CAPS2: variants seen among roughly 807,000 people sequenced by gnomAD.
CAPS2 encodes the protein calcyphosine 2, also known as calcyphosin-2.
CAPS2 carries 98 observed loss-of-function variants against 86.5 expected under a neutral mutation model. The ratio of observed to expected loss-of-function variants is 1.13; its 90% CI spans 0.96 to 1.34. The LOEUF (loss-of-function observed/expected upper bound fraction) is 1.34, where lower values mean the gene tolerates loss of function less well. CAPS2 is among the 40% of genes most tolerant of loss of function. CAPS2 has a pLI of 0.00. For synonymous variants in CAPS2, 210 were observed against 225.1 expected (o/e 0.93, Z 0.60); for missense variants, 729 against 686.8 (o/e 1.06, Z -0.69).
At chr12:75,368,963 G>A (rs1566017033) in intron 1 of CAPS2, among the ~76,000 whole-genome samples, 1 of 151,842 alleles carries the variant, frequency 6.6e-6, no homozygotes, top group African/African-American at 2.4e-5. Flanking sequence ...TGTACTTCAT[G>A]TGTAGTTATG....
At chr12:75,369,103 A>AT (rs2044186972) in intron 1 of CAPS2, among the ~76,000 whole-genome samples, 1 of 151,956 alleles carries the variant, frequency 6.6e-6, no homozygotes, top group African/African-American at 2.4e-5. Context: ...TAACAGTTAT[A>AT]TATGTAGACC....
intron 8 of CAPS2, among the ~76,000 whole-genome samples, chr12:75,301,693 T>C (rs1489176815): frequency 1.3e-5 from 2 of 152,196 alleles, no homozygotes; most frequent in African/African-American, 4.8e-5. Context: ...AAAACTTTGC[T>C]CTTAACCATT....
chr12:75,356,060 T>C (rs2043138409), intron 1 of CAPS2, among the ~76,000 whole-genome samples: 1 of 152,104 alleles, frequency 6.6e-6, no homozygotes, highest in South Asian at 2.1e-4. Context: ...AGTTGATCTG[T>C]GCAGCAAACC....
intron 15 of CAPS2, among the ~76,000 whole-genome samples, chr12:75,284,068 C>A (rs2034457291): frequency 6.6e-6 from 1 of 152,174 alleles, no homozygotes; most frequent in African/African-American, 2.4e-5. Context: ...TATAACACTT[C>A]TCTTGCCCTC....
At chr12:75,304,107 T>C (rs2138636641) in intron 8 of CAPS2, among the ~76,000 whole-genome samples, 1 of 152,262 alleles carries the variant, frequency 6.6e-6, no homozygotes, top group Middle Eastern at 3.4e-3. Context: ...ACAGCAGCAA[T>C]AGGAAACTAA....
intron 13 of CAPS2, among the ~76,000 whole-genome samples, chr12:75,290,940 A>C (rs911952320): frequency 6.6e-6 from 1 of 151,786 alleles, no homozygotes; most frequent in African/African-American, 2.4e-5. Flanking sequence ...AAAAACAAAA[A>C]AAAAACATAA....
chr12:75,352,715 A>G (rs76374256), intron 1 of CAPS2, among the ~76,000 whole-genome samples: 2,360 of 152,346 alleles, frequency 0.015, 49 homozygotes, highest in African/African-American at 0.054. Context: ...TCTCAGTGCC[A>G]CAAGGCACTT....
intron 7 of CAPS2, among the ~76,000 whole-genome samples, chr12:75,307,194 G>C (rs552060028): frequency 3.6e-4 from 55 of 152,300 alleles, no homozygotes; most frequent in African/African-American, 1.2e-3. Context: ...ATAAAAGAAA[G>C]AATATTGGTG....
chr12:75,339,112 A>C (rs570469253), intron 1 of CAPS2, among the ~76,000 whole-genome samples: 1 of 152,244 alleles, frequency 6.6e-6, no homozygotes, highest in African/African-American at 2.4e-5. Context: ...CTTTGGGTAC[A>C]TACCCAGTAA....
intron 9 of CAPS2, among the ~76,000 whole-genome samples, chr12:75,299,441 T>C (rs997590458): frequency 6.6e-6 from 1 of 152,136 alleles, no homozygotes; most frequent in Admixed American, 6.5e-5. Context: ...AAATAATAGA[T>C]TTAAAAATTA....
At chr12:75,319,888 A>G (rs1261541570) in intron 5 of CAPS2, among the ~76,000 whole-genome samples, 1 of 152,198 alleles carries the variant, frequency 6.6e-6, no homozygotes, top group Non-Finnish European at 1.5e-5. Context: ...ATTTACTACT[A>G]GGCCATTTAT....
At chr12:75,302,147 T>A (rs72652872) in intron 8 of CAPS2, among the ~76,000 whole-genome samples, 29,476 of 152,088 alleles carry the variant, frequency 0.19, 3,470 homozygotes, top group East Asian at 0.4. Context: ...TAAATTTATG[T>A]AGCAGAACTC....
At chr12:75,312,222 T>A (rs1214733434) in intron 7 of CAPS2, among the ~76,000 whole-genome samples, 1 of 152,132 alleles carries the variant, frequency 6.6e-6, no homozygotes, top group Non-Finnish European at 1.5e-5. Flanking sequence ...GGTACCACAG[T>A]GAACTCACAG....
At chr12:75,306,579 C>T (rs2038530708) in intron 7 of CAPS2, among the ~76,000 whole-genome samples, 1 of 152,232 alleles carries the variant, frequency 6.6e-6, no homozygotes. Flanking sequence ...TTGGTTGGCG[C>T]TTTCGCTTTC....
At chr12:75,358,913 T>C (rs2043352800) in intron 1 of CAPS2, among the ~76,000 whole-genome samples, 1 of 145,232 alleles carries the variant, frequency 6.9e-6, no homozygotes, top group Non-Finnish European at 1.5e-5. Flanking sequence ...TATATTATAT[T>C]AGTACAGACT....
At chr12:75,282,271 T>C in exon 16 of CAPS2, 2 of 1,594,004 alleles carry the variant, frequency 1.3e-6, no homozygotes, top group Non-Finnish European at 1.7e-6. Context: ...TTGAGAATGC[T>C]TCTTTGCACA....
In CAPS2 at chr12:75,283,148, T is replaced by A. The variant is rs368430487; in HGVS notation, c.1516-801A>T. 4.6e-5 allele frequency among the ~76,000 whole-genome samples: 7 copies of A among 152,380 alleles called. No homozygotes were observed. The South Asian group carries it at 6.2e-4, about 14-fold the overall frequency. ...TGTTACTCTATTTCTTGAAATTTAA[T>A]ACACTTTTTAAAATGTAGTTGTGCT... On this transcript the variant is annotated intron_variant, in intron 15 of 16. Transcript: ENST00000393284.
chr12:75,311,724 C>CAAAAAAAAAAAAAAAAAAAAAAAAAAAAA (rs1188952105), intron 7 of CAPS2, among the ~76,000 whole-genome samples: 1 of 15,656 alleles, frequency 6.4e-5, no homozygotes, highest in Non-Finnish European at 1.3e-4. Context: ...AAAAAAAAAA[C>CAAAAAAAAAAAAAAAAAAAAAAAAAAAAA]AAAAAAAAAA....
At chr12:75,319,475 T>C (rs2040098516) in intron 5 of CAPS2, among the ~76,000 whole-genome samples, 1 of 152,080 alleles carries the variant, frequency 6.6e-6, no homozygotes, top group Non-Finnish European at 1.5e-5. Flanking sequence ...CCGTCATAAG[T>C]AAAAGCAACC....
Sources: gnomAD v4.1 joint callset for allele counts (sites outside exome capture counted in the v4.1 genomes callset) on GRCh38, gnomAD v4.1.1 for gene constraint, MANE v1.5 for transcripts, NCBI Gene and HGNC (gene_info 2026-07-23, HGNC 2026-07-21) for gene names.